The following CNTNAP2 variants were observed in gnomAD, a reference collection of about 807,000 sequenced individuals.
CNTNAP2 encodes contactin associated protein 2.
In CNTNAP2, 98 loss-of-function variants were observed where a neutral mutation model predicts 155.2. The ratio of observed to expected loss-of-function variants is 0.63; its 90% CI spans 0.54 to 0.75. CNTNAP2 has a LOEUF of 0.75. CNTNAP2 is among the 30% of genes least tolerant of loss of function. The pLI is 0.00. For synonymous variants in CNTNAP2, 651 were observed against 631.2 expected (o/e 1.03, Z -0.47); for missense variants, 1,727 against 1,688.1 (o/e 1.02, Z -0.40).
At chr7:147,205,572 T>C (rs1180465160) in intron 8 of CNTNAP2, among the ~76,000 whole-genome samples, 1 of 120,840 alleles carries the variant, frequency 8.3e-6, no homozygotes, top group East Asian at 2.8e-4. Flanking sequence ...AATCCTGTCA[T>C]TTTTAACAAA....
At chr7:148,203,888 T>G (rs867370525) in intron 18 of CNTNAP2, among the ~76,000 whole-genome samples, 20 of 152,334 alleles carry the variant, frequency 1.3e-4, no homozygotes, top group South Asian at 4.1e-4. Context: ...AGAAGCCCAG[T>G]GCTCCTGGGC....
Position 146,524,289 on chromosome 7 carries a change from A to G in CNTNAP2, c.98-249982A>G, listed in dbSNP as rs1295350695. Among the ~76,000 whole-genome samples the G allele has an allele frequency of 2.6e-5, 4 of 152,124 alleles. No homozygotes were observed. In the East Asian group the frequency reaches 7.7e-4, roughly 29 times the overall value. On this transcript the variant is annotated intron_variant, in intron 1 of 23. Transcript: ENST00000361727. ...TCTTTATCTTACCTCAAGTCGTACCAGAGAGTTTAGAAATGGGTGAGAGAC... is the reference window on the plus strand; with the variant it reads ...TCTTTATCTTACCTCAAGTCGTACCGGAGAGTTTAGAAATGGGTGAGAGAC...
At chr7:148,125,377 C>T (rs1343141729) in intron 16 of CNTNAP2, among the ~76,000 whole-genome samples, 1 of 151,976 alleles carries the variant, frequency 6.6e-6, no homozygotes, top group African/African-American at 2.4e-5. Context: ...AAGCATAGTA[C>T]CTGATAGGTA....
chr7:147,546,608 C>T (rs1799738948), intron 11 of CNTNAP2, among the ~76,000 whole-genome samples: 1 of 152,126 alleles, frequency 6.6e-6, no homozygotes, highest in African/African-American at 2.4e-5. Flanking sequence ...AGGACAAATG[C>T]TTTATTACAG....
At chr7:147,267,871 G>A (rs907774029) in intron 8 of CNTNAP2, among the ~76,000 whole-genome samples, 2 of 152,102 alleles carry the variant, frequency 1.3e-5, no homozygotes, top group African/African-American at 4.8e-5. Context: ...TCTAACTATT[G>A]AGATTAACCT....
chr7:147,349,049 C>G (rs1010321838), intron 9 of CNTNAP2, among the ~76,000 whole-genome samples: 1 of 151,750 alleles, frequency 6.6e-6, no homozygotes, highest in South Asian at 2.1e-4. Flanking sequence ...CTAGGTAGGA[C>G]GAGTAAATTC....
At chr7:148,097,036 GCA>G in intron 15 of CNTNAP2, among the ~76,000 whole-genome samples, 1 of 152,216 alleles carries the variant, frequency 6.6e-6, no homozygotes, top group Middle Eastern at 3.4e-3. Flanking sequence ...CCAGGAATGG[GCA>G]CAGAGTTGCA....
intron 9 of CNTNAP2, among the ~76,000 whole-genome samples, chr7:147,350,778 C>A (rs1795954898): frequency 6.6e-6 from 1 of 151,716 alleles, no homozygotes; most frequent in Admixed American, 6.6e-5. Context: ...GACTTTACAC[C>A]CCTGCACTGA....
At chr7:147,828,596 C>T (rs1798497912) in intron 13 of CNTNAP2, among the ~76,000 whole-genome samples, 1 of 152,146 alleles carries the variant, frequency 6.6e-6, no homozygotes, top group Non-Finnish European at 1.5e-5. Flanking sequence ...CTGACAACAT[C>T]TGGCATCTAA....
intron 13 of CNTNAP2, among the ~76,000 whole-genome samples, chr7:147,898,666 C>G (rs1006406134): frequency 1.3e-4 from 20 of 152,000 alleles, no homozygotes; most frequent in Non-Finnish European, 2.4e-4. Flanking sequence ...ATTACAGGCA[C>G]CTGCCACTGA....
At chr7:148,214,860 C>T (rs1034758914) in intron 18 of CNTNAP2, among the ~76,000 whole-genome samples, 8 of 152,160 alleles carry the variant, frequency 5.3e-5, no homozygotes, top group African/African-American at 1.4e-4. Context: ...AGAGCCACCG[C>T]GCCCCGCCCA....
intron 1 of CNTNAP2, among the ~76,000 whole-genome samples, chr7:146,589,217 G>A (rs912265067): frequency 2.0e-5 from 3 of 152,146 alleles, no homozygotes; most frequent in East Asian, 1.9e-4. Flanking sequence ...ACAAAGTGGA[G>A]TGTAGGTAGG....
intron 3 of CNTNAP2, among the ~76,000 whole-genome samples, chr7:146,979,700 C>G (rs1797977759): frequency 6.6e-6 from 1 of 152,146 alleles, no homozygotes; most frequent in East Asian, 1.9e-4. Context: ...CTTCTAGTTC[C>G]CACAAATTAT....
intron 10 of CNTNAP2, among the ~76,000 whole-genome samples, chr7:147,453,316 C>T (rs1797864708): frequency 6.6e-6 from 1 of 152,138 alleles, no homozygotes; most frequent in Non-Finnish European, 1.5e-5. Flanking sequence ...CACCGGCCTT[C>T]CTGCTTCCCT....
rs112519137 is a variant in CNTNAP2 at position 146,790,813 on chromosome 7, C to A, written c.208+16432C>A. ...CTCAATCTCCTGACCTTGTGATCCG[C>A]CCACCTCGGCCTCCCAAAGTGCTGG... is the stretch of plus-strand genomic sequence containing the variant. On this transcript the variant is annotated intron_variant, in intron 2 of 23. Coordinates refer to ENST00000361727, the MANE Select transcript of CNTNAP2 (RefSeq NM_014141.6). Among the ~76,000 whole-genome samples, 983 of 152,188 alleles carry A rather than the reference C, an allele frequency of 6.5e-3. 9 individuals are homozygous for A. Among genetic ancestry groups the A allele is most frequent in the African/African-American group, 0.019 (809 of 41,526 alleles).
chr7:147,634,926 C>T (rs1012220631), intron 12 of CNTNAP2, among the ~76,000 whole-genome samples: 14 of 152,104 alleles, frequency 9.2e-5, no homozygotes, highest in Non-Finnish European at 1.8e-4. Flanking sequence ...TTCTGTCACT[C>T]AGTGGACTCT....
chr7:147,570,884 G>T, intron 12 of CNTNAP2, among the ~76,000 whole-genome samples: 1 of 152,164 alleles, frequency 6.6e-6, no homozygotes, highest in East Asian at 1.9e-4. Context: ...AGATTCTGTA[G>T]TACGATTTGC....
At chr7:146,602,239 G>A (rs1467485928) in intron 1 of CNTNAP2, among the ~76,000 whole-genome samples, 8 of 152,130 alleles carry the variant, frequency 5.3e-5, no homozygotes, top group African/African-American at 1.9e-4. Context: ...ATGATCTTAA[G>A]GATGAGTTTT....
At chr7:147,335,326 T>C (rs1228335757) in intron 9 of CNTNAP2, among the ~76,000 whole-genome samples, 1 of 152,202 alleles carries the variant, frequency 6.6e-6, no homozygotes, top group Non-Finnish European at 1.5e-5. Context: ...GTTTTTCTCA[T>C]TTTTGCTGCA....
Sources: allele counts gnomAD v4.1 joint callset (sites outside exome capture counted in the v4.1 genomes callset), GRCh38; gene constraint gnomAD v4.1.1; transcripts MANE v1.5; gene names NCBI Gene and HGNC (gene_info 2026-07-23, HGNC 2026-07-21).